The following SYT1 variants were observed in gnomAD, a reference collection of about 807,000 sequenced individuals.
The protein encoded by SYT1 is synaptotagmin 1.
In SYT1, 8 loss-of-function variants were observed where a neutral mutation model predicts 44.8. The observed-to-expected ratio is 0.18, with a 90% CI of 0.10 to 0.32. SYT1 has a LOEUF of 0.32. Ranked by LOEUF, SYT1 falls within the 10% of genes least tolerant of loss-of-function variation. The probability of loss-of-function intolerance (pLI) is 1.00; values close to 1 mark genes in which losing one functional copy is unlikely to be tolerated. For missense variants in SYT1, 286 were observed against 509.3 expected (o/e 0.56, Z 4.22); for synonymous variants, 154 against 188.8 (o/e 0.82, Z 1.51).
intron 3 of SYT1, among the ~76,000 whole-genome samples, chr12:79,193,832 A>AT (rs1221485238): frequency 6.6e-6 from 1 of 152,060 alleles, no homozygotes; most frequent in Non-Finnish European, 1.5e-5. Flanking sequence ...CAAATTCCAC[A>AT]TTTTTTATTT....
chr12:79,295,629 C>CCTG (rs1373756289), intron 6 of SYT1, among the ~76,000 whole-genome samples: 1 of 152,176 alleles, frequency 6.6e-6, no homozygotes, highest in Non-Finnish European at 1.5e-5. Context: ...ACTCAGCTAG[C>CCTG]CTGAGGCTTT....
At chr12:79,290,457 A>G (rs1565892876) in intron 5 of SYT1, among the ~76,000 whole-genome samples, 1 of 152,180 alleles carries the variant, frequency 6.6e-6, no homozygotes. Context: ...AAGACCATGT[A>G]GTCTTGGATG....
intron 3 of SYT1, among the ~76,000 whole-genome samples, chr12:79,072,231 T>C (rs969657532): frequency 6.6e-6 from 1 of 152,250 alleles, no homozygotes; most frequent in East Asian, 1.9e-4. Flanking sequence ...AACAACACTC[T>C]AAAACAGAAT....
At chr12:78,911,047 G>C (rs908645257) in intron 1 of SYT1, among the ~76,000 whole-genome samples, 1 of 151,970 alleles carries the variant, frequency 6.6e-6, no homozygotes, top group Non-Finnish European at 1.5e-5. Flanking sequence ...GCCACTGAAA[G>C]GTGTTGAACA....
At chr12:79,193,476 T>G (rs1162066991) in intron 3 of SYT1, among the ~76,000 whole-genome samples, 1 of 152,188 alleles carries the variant, frequency 6.6e-6, no homozygotes, top group Non-Finnish European at 1.5e-5. Flanking sequence ...AGTTAATTAA[T>G]AGAGTTAAAA....
intron 1 of SYT1, among the ~76,000 whole-genome samples, chr12:78,912,351 G>T (rs940428454): frequency 6.6e-6 from 1 of 151,810 alleles, no homozygotes; most frequent in African/African-American, 2.4e-5. Context: ...AAAAAGAAAG[G>T]CTATGTCAGA....
intron 1 of SYT1, among the ~76,000 whole-genome samples, chr12:78,919,365 A>C (rs781629774): frequency 2.0e-5 from 3 of 152,098 alleles, no homozygotes; most frequent in Non-Finnish European, 2.9e-5. Context: ...GCTCCATACC[A>C]GGTGAGACCA....
chr12:78,946,617 G>GCAGGTTCA (rs1878670639), intron 1 of SYT1, among the ~76,000 whole-genome samples: 1 of 151,876 alleles, frequency 6.6e-6, no homozygotes, highest in South Asian at 2.1e-4. Context: ...AACCTGGGAG[G>GCAGGTTCA]CAGAGGTTGC....
Position 78,978,391 on chromosome 12 carries a change from G to T in SYT1, c.-84+460G>T, listed in dbSNP as rs545862929. ...GGGGTTAGAGGGGAGAGCAGAATTT[G>T]TCTCAGACTGATGTTTCCTTGTACC... On this transcript the variant is annotated intron_variant, in intron 2 of 10. Transcript: ENST00000261205. Among the ~76,000 whole-genome samples the T allele has an allele frequency of 7.2e-5, 11 of 152,294 alleles. No homozygotes were observed. The South Asian group carries it at 2.1e-3, about 29-fold the overall frequency.
chr12:78,931,864 G>A (rs544717876), intron 1 of SYT1, among the ~76,000 whole-genome samples: 49 of 152,336 alleles, frequency 3.2e-4, no homozygotes, highest in African/African-American at 1.0e-3. Flanking sequence ...GTCAGGAGAG[G>A]AAGGAGTGTT....
At chr12:79,195,662 G>T (rs1239120873) in intron 3 of SYT1, among the ~76,000 whole-genome samples, 3 of 152,152 alleles carry the variant, frequency 2.0e-5, no homozygotes, top group Non-Finnish European at 4.4e-5. Flanking sequence ...GGAGGAAAGA[G>T]GATGCCCAAA....
At chr12:79,228,691 C>A (rs900631268) in intron 4 of SYT1, among the ~76,000 whole-genome samples, 2 of 152,136 alleles carry the variant, frequency 1.3e-5, no homozygotes, top group African/African-American at 2.4e-5. Context: ...ATAAAAAAAT[C>A]TCACTATTAT....
At chr12:78,989,998 T>G (rs545400367) in intron 2 of SYT1, among the ~76,000 whole-genome samples, 1 of 152,198 alleles carries the variant, frequency 6.6e-6, no homozygotes, top group Admixed American at 6.6e-5. Context: ...GACAGACCTG[T>G]TGAATCATAA....
At chr12:79,311,734 T>A (rs61928794) in intron 8 of SYT1, among the ~76,000 whole-genome samples, 515 of 140,278 alleles carry the variant, frequency 3.7e-3, no homozygotes, top group Non-Finnish European at 5.2e-3. Flanking sequence ...TGGATGAAAT[T>A]GGAAATCATC....
intron 9 of SYT1, among the ~76,000 whole-genome samples, chr12:79,389,010 T>C (rs1884550556): frequency 1.3e-5 from 2 of 152,314 alleles, no homozygotes; most frequent in Admixed American, 6.5e-5. Flanking sequence ...AGAAACTTTG[T>C]TATCCCATGA....
intron 9 of SYT1, among the ~76,000 whole-genome samples, chr12:79,437,868 A>G (rs1870181715): frequency 6.6e-6 from 1 of 152,174 alleles, no homozygotes; most frequent in African/African-American, 2.4e-5. Context: ...CATGTGTTAA[A>G]ATAATGTCAA....
chr12:79,313,984 A>G (rs2138949247), intron 8 of SYT1, among the ~76,000 whole-genome samples: 1 of 151,292 alleles, frequency 6.6e-6, no homozygotes, highest in East Asian at 2.0e-4. Context: ...CCTGGTTAAC[A>G]CGGTGAAACC....
chr12:78,956,333 G>A (rs1879216081), intron 1 of SYT1, among the ~76,000 whole-genome samples: 1 of 152,000 alleles, frequency 6.6e-6, no homozygotes, highest in Non-Finnish European at 1.5e-5. Flanking sequence ...TTGAATCCTA[G>A]CTCTTCTCCT....
At chr12:79,156,448 T>A (rs1477671278) in intron 3 of SYT1, among the ~76,000 whole-genome samples, 4 of 141,154 alleles carry the variant, frequency 2.8e-5, no homozygotes, top group Non-Finnish European at 4.5e-5. Flanking sequence ...GCTGCTGTTG[T>A]TGTTGTTGTT....
Sources: gnomAD v4.1 joint callset for allele counts (sites outside exome capture counted in the v4.1 genomes callset) on GRCh38, gnomAD v4.1.1 for gene constraint, MANE v1.5 for transcripts, NCBI Gene and HGNC (gene_info 2026-07-23, HGNC 2026-07-21) for gene names.